The following TMEM44 variants were observed in gnomAD, a reference collection of about 807,000 sequenced individuals.
TMEM44 encodes the protein transmembrane protein 44.
Under a neutral mutation model 47.8 loss-of-function variants are expected in TMEM44, and 43 were observed. The observed-to-expected ratio is 0.90, with a 90% CI of 0.70 to 1.16. The LOEUF is 1.16. TMEM44 is among the 50% of genes most tolerant of loss of function. The pLI is 0.00. For synonymous variants in TMEM44, 277 were observed against 238.8 expected, an observed-to-expected ratio of 1.16 and a Z score of -1.48; for missense variants, 568 against 555.2, an observed-to-expected ratio of 1.02 and a Z score of -0.23.
intron 9 of TMEM44, among the ~76,000 whole-genome samples, chr3:194,592,471 T>C (rs1444280060): frequency 6.6e-6 from 1 of 152,210 alleles, no homozygotes; most frequent in Non-Finnish European, 1.5e-5. Flanking sequence ...CTACTACTGT[T>C]GTTCCAAACC....
chr3:194,625,216 C>T (rs1029702253), intron 3 of TMEM44, among the ~76,000 whole-genome samples: 1 of 152,340 alleles, frequency 6.6e-6, no homozygotes, highest in South Asian at 2.1e-4. Flanking sequence ...CGAACTTGCA[C>T]ACTAAGCTAT....
At position 194,617,395 on chromosome 3, in the gene TMEM44, T is replaced by G. The variant is rs1716031012; in HGVS notation, c.613-126A>C. The G allele has an allele frequency of 9.0e-6, 10 of 1,110,850 alleles. No individual in the cohort carries two copies. In the South Asian group the frequency reaches 1.5e-4, roughly 17 times the overall value. 68.8% of individuals were successfully genotyped at this position (1,110,850 alleles called of 1,614,324 possible). On this transcript the variant is annotated intron_variant, in intron 5 of 9. Transcript: ENST00000347147. ...AGCCAGTCCTCCAGGGCAATGCTTC[T>G]GTTAGACTTACAGCTTTTGCTCGAG...
chr3:194,611,171 G>T lies in TMEM44; in HGVS notation c.913-151C>A. 1.5e-6 allele frequency: 1 copy of T among 674,668 alleles called. No homozygotes were observed. Among genetic ancestry groups the T allele is most frequent in the Non-Finnish European group, 2.6e-6 (1 of 381,418 alleles). 41.8% of individuals were successfully genotyped at this position (674,668 alleles called of 1,614,324 possible). A position where few individuals can be genotyped will look rare whatever the true frequency, so the allele number is the denominator to read the frequency against. On this transcript the variant is annotated intron_variant, in intron 7 of 9. Transcript: ENST00000347147. This position sits in a 1 kb window ranked among gnomAD's most constrained non-coding sequence, Gnocchi z 4.2. The stretch of plus-strand genomic sequence containing the variant: ...ACGTCTCACTTTCTGCTTCCTATAA[G>T]ATGTGTCTTATCTTTCTCTTCGAGG...
rs544054394 is a variant in TMEM44 at position 194,621,976 on chromosome 3, T to C, written c.612+1248A>G. 1.1e-3 allele frequency among the ~76,000 whole-genome samples: 174 copies of C among 152,342 alleles called. 1 individual carries two copies. Among genetic ancestry groups the C allele is most frequent in the Non-Finnish European group, 8.2e-4 (56 of 68,026 alleles). ...ATCCACCTGCCTCGGCCTCCCAAAGTGCTGGCATTACAGGCATGAGCCACC... is the reference window on the plus strand; with the variant it reads ...ATCCACCTGCCTCGGCCTCCCAAAGCGCTGGCATTACAGGCATGAGCCACC... On this transcript the variant is annotated intron_variant, in intron 5 of 9. Transcript: ENST00000347147.
chr3:194,594,089 GGCATGAGCCACA>G (rs1713079052), intron 9 of TMEM44, among the ~76,000 whole-genome samples: 1 of 146,566 alleles, frequency 6.8e-6, no homozygotes, highest in Admixed American at 6.9e-5. Flanking sequence ...TGGGATTACA[GGCATGAGCCACA>G]GCACCTGGCC....
chr3:194,606,369 T>C (rs789852), intron 8 of TMEM44, among the ~76,000 whole-genome samples: 141,880 of 152,252 alleles, frequency 0.93, 66,173 homozygotes, highest in East Asian at 0.99. Context: ...TAATGGGATA[T>C]GTATCAGTGG....
intron 1 of TMEM44, among the ~76,000 whole-genome samples, chr3:194,630,053 T>C (rs13092623): frequency 1.5e-3 from 100 of 65,510 alleles, no homozygotes; most frequent in Admixed American, 3.4e-3. Context: ...ACTGATAGGG[T>C]CCCTGAAATA....
At chr3:194,627,790 G>A (rs912921356) in intron 2 of TMEM44, among the ~76,000 whole-genome samples, 13 of 151,980 alleles carry the variant, frequency 8.6e-5, no homozygotes, top group Non-Finnish European at 1.9e-4. Flanking sequence ...ACCAGCCTGG[G>A]CAACATGGTG....
Position 194,611,916 on chromosome 3 carries a change from G to A in TMEM44, c.913-896C>T, listed in dbSNP as rs975413790. On this transcript the variant is annotated intron_variant, in intron 7 of 9. Transcript: ENST00000347147. The surrounding 1 kb of genome is among the most constrained non-coding windows in gnomAD (Gnocchi z 4.2). The stretch of plus-strand genomic sequence containing the variant: ...GTGTGTCTGTAATCCTAGCTACGTG[G>A]GAGGCGGAGGCAGGAGAATCGCTTG... Among the ~76,000 whole-genome samples the A allele has an allele frequency of 2.6e-5, 4 of 152,088 alleles. No homozygotes were observed. Among genetic ancestry groups the A allele is most frequent in the Non-Finnish European group, 5.9e-5 (4 of 68,014 alleles).
chr3:194,630,951 T>A (rs945142787), intron 1 of TMEM44, among the ~76,000 whole-genome samples: 2 of 138,562 alleles, frequency 1.4e-5, no homozygotes, highest in Non-Finnish European at 3.1e-5. Flanking sequence ...CTGGAGGGGC[T>A]GGCTGTTTCC....
intron 5 of TMEM44, chr3:194,617,619 T>C (rs1716053867): frequency 2.8e-6 from 2 of 702,204 alleles, no homozygotes; most frequent in Non-Finnish European, 5.2e-6. Flanking sequence ...TCCTGAGGGC[T>C]GGGCAGGGGT....
chr3:194,633,229 G>C lies in TMEM44; in HGVS notation c.-14C>G. 1 of 1,361,922 alleles carries C rather than the reference G, an allele frequency of 7.3e-7. No individual in the cohort carries two copies. 84.4% of individuals were successfully genotyped at this position (1,361,922 alleles called of 1,614,324 possible). ...CGCCTCCCCCATGGCGCGGCTGGGC[G>C]CGCGGCGCGGGGCCGGGGACCTGGG... On this transcript the variant is annotated 5_prime_UTR_variant, in exon 1 of 10. Transcript: ENST00000347147.
At chr3:194,608,724 C>T (rs77293329) in intron 8 of TMEM44, among the ~76,000 whole-genome samples, 61 of 152,158 alleles carry the variant, frequency 4.0e-4, no homozygotes, top group African/African-American at 1.4e-3. Flanking sequence ...GAACAGGAGA[C>T]GAGAGATGGG....
chr3:194,617,408 G>C (rs1716032560), intron 5 of TMEM44, 139 bp from the exon 6 acceptor site: 1 of 1,031,100 alleles, frequency 9.7e-7, no homozygotes, highest in Non-Finnish European at 1.4e-6. Flanking sequence ...TAGACTTACA[G>C]CTTTTGCTCG....
intron 7 of TMEM44, among the ~76,000 whole-genome samples, chr3:194,614,192 A>G (rs1156765042): frequency 6.6e-6 from 1 of 152,178 alleles, no homozygotes; most frequent in African/African-American, 2.4e-5. Flanking sequence ...AAGTAGTTAC[A>G]TTGCAGTGAC....
At position 194,623,256 on chromosome 3, in the gene TMEM44, A is replaced by G. The variant is rs773964729; in HGVS notation, c.580T>C (p.Trp194Arg). 6.2e-7 allele frequency: 1 copy of G among 1,611,596 alleles called. No individual in the cohort carries two copies. Among genetic ancestry groups the G allele is most frequent in the South Asian group, 1.1e-5 (1 of 90,406 alleles). The part of the protein sequence containing the change: ...LLGSVAAFGS[W>R]ASRIPPLSRI... Reference sequence around the variant, plus strand: ...GAGAGAGGGGGGATCCGAGAAGCCCAGGAGCCAAAGGCAGCAACGCTACCC... The same window carrying G: ...GAGAGAGGGGGGATCCGAGAAGCCCGGGAGCCAAAGGCAGCAACGCTACCC... The change falls in exon 5 of 10, where the codon TGG becomes CGG. Residue 194 changes from tryptophan (W) to arginine (R), a missense_variant. Physicochemically the swap from Trp to Arg is moderately radical, Grantham distance 101. Transcript: ENST00000347147.
chr3:194,628,515 G>A lies in TMEM44; in HGVS notation c.138-6C>T. 1 of 1,611,346 alleles carries A rather than the reference G, an allele frequency of 6.2e-7. No individual in the cohort carries two copies. Reference sequence around the variant, plus strand: ...CACATCTCAGATAGAGAAGCCTGGGGTGACAGGGGTGTGGACAGAACACAG... The same window carrying A: ...CACATCTCAGATAGAGAAGCCTGGGATGACAGGGGTGTGGACAGAACACAG... On this transcript the variant is annotated splice_region_variant and splice_polypyrimidine_tract_variant and intron_variant, in intron 1 of 9. Transcript: ENST00000347147.
At chr3:194,631,400 C>G (rs965819502) in intron 1 of TMEM44, among the ~76,000 whole-genome samples, 5 of 151,932 alleles carry the variant, frequency 3.3e-5, no homozygotes, top group African/African-American at 1.2e-4. Flanking sequence ...TTAGCTGATT[C>G]TGAGCGCCTG....
chr3:194,597,597 T>A (rs2109156550), intron 9 of TMEM44, among the ~76,000 whole-genome samples: 1 of 150,664 alleles, frequency 6.6e-6, no homozygotes, highest in African/African-American at 2.4e-5. Flanking sequence ...GAGGTGGAGG[T>A]TGCCCTGAGC....
Sources: allele counts gnomAD v4.1 joint callset (sites outside exome capture counted in the v4.1 genomes callset), GRCh38; gene constraint gnomAD v4.1.1; non-coding constraint Gnocchi (gnomAD v3.1); transcripts MANE v1.5; gene names NCBI Gene and HGNC (gene_info 2026-07-23, HGNC 2026-07-21).